Variants in ZFAND3 observed in about 807,000 individuals in gnomAD.
ZFAND3 encodes zinc finger AN1-type containing 3, also known as AN1-type zinc finger protein 3.
A neutral mutation model predicts 29.6 loss-of-function variants in ZFAND3; 10 were observed. That is an observed-to-expected ratio of 0.34 (90% CI 0.21 to 0.57). The LOEUF is 0.57. Among genes scored for constraint, ZFAND3 ranks in the 20% least tolerant of loss-of-function variants. The probability of loss-of-function intolerance (pLI) is 0.86; values close to 1 mark genes in which losing one functional copy is unlikely to be tolerated. For synonymous variants in ZFAND3, 128 were observed against 112.6 expected (o/e 1.14, Z -0.87); for missense variants, 230 against 304.5 (o/e 0.76, Z 1.82).
At chr6:38,077,117 CTTT>C (rs531841469) in intron 3 of ZFAND3, among the ~76,000 whole-genome samples, 1 of 139,512 alleles carries the variant, frequency 7.2e-6, no homozygotes. Context: ...TTATTTTGTC[CTTT>C]TTTTTTTTTT....
At chr6:38,101,124 G>A (rs1765084520) in intron 4 of ZFAND3, among the ~76,000 whole-genome samples, 1 of 152,210 alleles carries the variant, frequency 6.6e-6, no homozygotes, top group Non-Finnish European at 1.5e-5. Flanking sequence ...AGGTTACAAT[G>A]TTAGATAGTT....
intron 1 of ZFAND3, among the ~76,000 whole-genome samples, chr6:37,872,745 A>C (rs1268571345): frequency 6.6e-6 from 1 of 152,094 alleles, no homozygotes; most frequent in Non-Finnish European, 1.5e-5. Context: ...TCATTGTGTG[A>C]ATTTACTGTG....
At chr6:38,132,706 C>A (rs1215293668) in intron 5 of ZFAND3, among the ~76,000 whole-genome samples, 1 of 152,186 alleles carries the variant, frequency 6.6e-6, no homozygotes, top group Admixed American at 6.5e-5. Context: ...AGTTTCCTGG[C>A]AGGTAGTCCC....
intron 2 of ZFAND3, among the ~76,000 whole-genome samples, chr6:37,957,178 C>G (rs1199074307): frequency 6.6e-6 from 1 of 152,208 alleles, no homozygotes; most frequent in Admixed American, 6.5e-5. Context: ...AAGTTCCCCC[C>G]CTTTCTTCCT....
chr6:37,934,037 G>A (rs563852873), intron 2 of ZFAND3, among the ~76,000 whole-genome samples: 3 of 150,800 alleles, frequency 2.0e-5, no homozygotes, highest in East Asian at 2.0e-4. Context: ...ACAGGCGTGC[G>A]CCACCACGCC....
chr6:38,152,851 C>G lies in ZFAND3; in HGVS notation c.*462C>G, dbSNP rs1191974898. On this transcript the variant is annotated 3_prime_UTR_variant, in exon 6 of 6. Transcript: ENST00000287218. ...TTCACTTATCCTTAGTCCCAGTAGC[C>G]AGGATACCTGATGGCCACGTGTGCC... 11 of 985,948 alleles carry G rather than the reference C, an allele frequency of 1.1e-5. No individual in the cohort carries two copies. The highest frequency in any genetic ancestry group is 1.3e-5 in the Non-Finnish European group (11 of 830,134). 61.1% of individuals were successfully genotyped at this position (985,948 alleles called of 1,614,324 possible). A position where few individuals can be genotyped will look rare whatever the true frequency, so the allele number is the denominator to read the frequency against.
intron 2 of ZFAND3, among the ~76,000 whole-genome samples, chr6:38,000,574 T>G (rs1221942020): frequency 1.3e-5 from 2 of 152,128 alleles, no homozygotes; most frequent in East Asian, 3.8e-4. Context: ...TCAGATCTCA[T>G]GAGACTTAAC....
intron 2 of ZFAND3, among the ~76,000 whole-genome samples, chr6:38,030,974 ATGG>A (rs973615273): frequency 6.6e-5 from 10 of 152,168 alleles, no homozygotes; most frequent in African/African-American, 2.2e-4. Context: ...AGGGCAATAA[ATGG>A]TGCAAAAGCT....
At chr6:38,098,411 A>G (rs1765025551) in intron 4 of ZFAND3, among the ~76,000 whole-genome samples, 1 of 152,134 alleles carries the variant, frequency 6.6e-6, no homozygotes, top group Non-Finnish European at 1.5e-5. Flanking sequence ...TGGTCTCCCA[A>G]AGTTGTGGGA....
At chr6:38,121,490 T>C (rs868443845) in intron 5 of ZFAND3, among the ~76,000 whole-genome samples, 3 of 152,266 alleles carry the variant, frequency 2.0e-5, no homozygotes, top group African/African-American at 7.2e-5. Context: ...CCAGAGGTTC[T>C]GATTTGGTAG....
At chr6:37,827,901 C>G (rs942068342) in intron 1 of ZFAND3, among the ~76,000 whole-genome samples, 2 of 152,190 alleles carry the variant, frequency 1.3e-5, no homozygotes, top group Non-Finnish European at 2.9e-5. Context: ...CCAAGCCACA[C>G]CAGAGCATTT....
chr6:37,904,444 T>C (rs1416992362), intron 1 of ZFAND3, among the ~76,000 whole-genome samples: 3 of 152,160 alleles, frequency 2.0e-5, no homozygotes, highest in African/African-American at 7.2e-5. Context: ...TACTACCAAT[T>C]CATTGGAACT....
chr6:37,968,452 A>G (rs1762329282), intron 2 of ZFAND3, among the ~76,000 whole-genome samples: 1 of 151,546 alleles, frequency 6.6e-6, no homozygotes, highest in African/African-American at 2.4e-5. Flanking sequence ...GAGGATCAGT[A>G]GGAAGCCTGA....
chr6:37,901,411 G>A (rs1765316488), intron 1 of ZFAND3, among the ~76,000 whole-genome samples: 6 of 152,152 alleles, frequency 3.9e-5, no homozygotes, highest in Admixed American at 3.9e-4. Flanking sequence ...ACTGAAGTTC[G>A]AGACCAGCCT....
chr6:37,970,088 A>G lies in ZFAND3; in HGVS notation c.112+40089A>G, dbSNP rs1027514751. 7.2e-5 allele frequency among the ~76,000 whole-genome samples: 11 copies of G among 152,252 alleles called. 1 individual carries two copies. The highest frequency in any genetic ancestry group is 3.3e-4 in the Admixed American group (5 of 15,284). ...GGTTGTAGTGAGCTGAAATGGCACC[A>G]TTGCACTCCAGTTTGGGTGACAGAG... On this transcript the variant is annotated intron_variant, in intron 2 of 5. Transcript: ENST00000287218.
intron 1 of ZFAND3, among the ~76,000 whole-genome samples, chr6:37,916,221 T>C (rs1247190866): frequency 6.6e-6 from 1 of 152,174 alleles, no homozygotes; most frequent in Non-Finnish European, 1.5e-5. Context: ...GTTTGAAATA[T>C]TGCAAACCTT....
chr6:37,952,294 T>C (rs1561944790), intron 2 of ZFAND3, among the ~76,000 whole-genome samples: 1 of 152,152 alleles, frequency 6.6e-6, no homozygotes, highest in Non-Finnish European at 1.5e-5. Flanking sequence ...CTATCCCTTA[T>C]TTGTCTGGTA....
At chr6:37,823,368 C>T (rs533361889) in intron 1 of ZFAND3, among the ~76,000 whole-genome samples, 1 of 152,334 alleles carries the variant, frequency 6.6e-6, no homozygotes, top group Non-Finnish European at 1.5e-5. Context: ...CCAGGGCGCA[C>T]ACCCAGCCCT....
rs1764683860 is a variant in ZFAND3, at chr6:38,082,544, G to A, written c.361+87G>A. 3.1e-6 allele frequency: 4 copies of A among 1,276,566 alleles called. No homozygotes were observed. The Admixed American group carries it at 6.0e-5, about 19-fold the overall frequency. The allele number at this position is 1,276,566 out of a possible 1,614,324, so 79.1% of individuals were successfully genotyped here. ...TGGTTCTAACTTGGTGTGCTTCTCA[G>A]GGTACTCTGATTTCTTCCGTCAGTT... is the stretch of plus-strand genomic sequence containing the variant. On this transcript the variant is annotated intron_variant, in intron 4 of 5. Coordinates refer to ENST00000287218, the MANE Select transcript of ZFAND3 (RefSeq NM_021943.3).
Sources: gnomAD v4.1 joint callset for allele counts (sites outside exome capture counted in the v4.1 genomes callset) on GRCh38, gnomAD v4.1.1 for gene constraint, MANE v1.5 for transcripts, NCBI Gene and HGNC (gene_info 2026-07-23, HGNC 2026-07-21) for gene names.